NEK10: variants seen among roughly 807,000 people sequenced by gnomAD.
NEK10 encodes the protein serine/threonine-protein kinase Nek10.
In NEK10, 122 loss-of-function variants were observed where a neutral mutation model predicts 159.8. The ratio of observed to expected loss-of-function variants is 0.76; its 90% CI spans 0.66 to 0.89. The LOEUF is 0.89. Ranked by LOEUF, NEK10 falls within the 40% of genes least tolerant of loss-of-function variation. The probability of loss-of-function intolerance (pLI) is 0.00; values close to 1 mark genes in which losing one functional copy is unlikely to be tolerated. For synonymous variants in NEK10, 466 were observed against 457.1 expected, an observed-to-expected ratio of 1.02 and a Z score of -0.25; for missense variants, 1,342 against 1,323.1, an observed-to-expected ratio of 1.01 and a Z score of -0.22.
intron 5 of NEK10, among the ~76,000 whole-genome samples, chr3:27,331,240 AAAAAAAAAAAC>A (rs2046375996): frequency 1.1e-5 from 1 of 90,980 alleles, no homozygotes; most frequent in African/African-American, 2.7e-5. Flanking sequence ...TCTGTCTCAA[AAAAAAAAAAAC>A]AAAAAAAAAA....
At chr3:27,230,972 A>G (rs1357878108) in intron 23 of NEK10, among the ~76,000 whole-genome samples, 4 of 152,042 alleles carry the variant, frequency 2.6e-5, no homozygotes, top group Admixed American at 2.6e-4. Context: ...GAATGTCAAC[A>G]AAGAAATGGT....
At chr3:27,305,332 C>T (rs941980911) in intron 11 of NEK10, among the ~76,000 whole-genome samples, 1 of 152,112 alleles carries the variant, frequency 6.6e-6, no homozygotes. Context: ...ATTATAGGCT[C>T]GTTGCATCAT....
chr3:27,293,184 T>G (rs1038366539), intron 16 of NEK10, among the ~76,000 whole-genome samples: 2 of 149,454 alleles, frequency 1.3e-5, no homozygotes, highest in African/African-American at 4.9e-5. Flanking sequence ...TTGTTTTCCC[T>G]TTGATTAAAT....
intron 6 of NEK10, among the ~76,000 whole-genome samples, chr3:27,320,894 A>G (rs2045575597): frequency 6.6e-6 from 1 of 152,202 alleles, no homozygotes; most frequent in South Asian, 2.1e-4. Flanking sequence ...CCAAATATGG[A>G]AAAGATGGTT....
At chr3:27,258,075 C>T (rs6809225) in intron 22 of NEK10, among the ~76,000 whole-genome samples, 13,142 of 151,886 alleles carry the variant, frequency 0.087, 1,866 homozygotes, top group African/African-American at 0.3. Flanking sequence ...GGATTACAGG[C>T]GTGAGCCTCC....
At chr3:27,317,845 C>G (rs1010354066) in intron 6 of NEK10, among the ~76,000 whole-genome samples, 50 of 151,946 alleles carry the variant, frequency 3.3e-4, no homozygotes, top group African/African-American at 1.2e-3. Context: ...CTCTGTTGCC[C>G]AGGCTGGAGT....
At chr3:27,324,412 T>C (rs6809964) in intron 5 of NEK10, among the ~76,000 whole-genome samples, 4,433 of 152,238 alleles carry the variant, frequency 0.029, 221 homozygotes, top group African/African-American at 0.1. Context: ...ATGTCTGAAA[T>C]TGACTTCATG....
At chr3:27,137,605 T>C (rs1374471165) in intron 31 of NEK10, among the ~76,000 whole-genome samples, 1 of 152,218 alleles carries the variant, frequency 6.6e-6, no homozygotes, top group African/African-American at 2.4e-5. Context: ...TTTGATGTAT[T>C]AGTCAAGCTT....
intron 29 of NEK10, among the ~76,000 whole-genome samples, chr3:27,163,914 A>G (rs946265801): frequency 6.6e-6 from 1 of 152,172 alleles, no homozygotes; most frequent in Non-Finnish European, 1.5e-5. Context: ...ACACCTACCT[A>G]AGTTATTAAG....
At chr3:27,322,340 G>GACGCACTA in intron 5 of NEK10, 79 bp from the exon 6 acceptor site, 1 of 852,438 alleles carries the variant, frequency 1.2e-6, no homozygotes, top group East Asian at 2.7e-5. Context: ...GGCTATGAAG[G>GACGCACTA]AGTATAAAGA....
intron 23 of NEK10, among the ~76,000 whole-genome samples, chr3:27,238,727 T>C (rs575811176): frequency 4.0e-5 from 6 of 150,724 alleles, no homozygotes; most frequent in South Asian, 2.1e-4. Context: ...GTGTTATTTA[T>C]CTAACCAACC....
intron 29 of NEK10, among the ~76,000 whole-genome samples, chr3:27,168,433 A>C (rs1212273746): frequency 1.3e-5 from 2 of 152,200 alleles, no homozygotes; most frequent in African/African-American, 4.8e-5. Context: ...AAAATCCTAA[A>C]CAAATTAGAC....
intron 35 of NEK10, among the ~76,000 whole-genome samples, chr3:27,112,156 T>C (rs745603763): frequency 6.6e-6 from 1 of 152,206 alleles, no homozygotes; most frequent in African/African-American, 2.4e-5. Context: ...TCTTCCTAAC[T>C]GTCCAAGCAG....
Position 27,322,188 on chromosome 3 carries a change from G to A in NEK10, c.436C>T (p.Pro146Ser). 2 of 1,542,230 alleles carry A rather than the reference G, an allele frequency of 1.3e-6. No individual in the cohort carries two copies. The highest frequency in any genetic ancestry group is 1.2e-5 in the South Asian group (1 of 83,206). ...LICLRLLMRD[P>S]CYQEILHSLG... ...TTTTTCCAACCAACCTGATAACATG[G>A]ATCCCTCATTAGTAGCCTCAGACAG... The change falls in exon 6 of 36, where the codon CCA becomes TCA. Residue 146 changes from proline (P) to serine (S), a missense_variant. By Grantham distance (74) the Pro-to-Ser change is moderately conservative (BLOSUM62 -1). Coordinates refer to ENST00000691995, the MANE Select transcript of NEK10 (RefSeq NM_001394966.1).
chr3:27,307,327 C>T (rs2044322062), intron 11 of NEK10, among the ~76,000 whole-genome samples: 1 of 152,098 alleles, frequency 6.6e-6, no homozygotes, highest in African/African-American at 2.4e-5. Context: ...ATATAGATTG[C>T]AACTCTATTT....
chr3:27,341,633 C>T (rs2047209418), intron 5 of NEK10, among the ~76,000 whole-genome samples: 1 of 152,162 alleles, frequency 6.6e-6, no homozygotes, highest in Non-Finnish European at 1.5e-5. Context: ...CCTTATCTGA[C>T]TCTGGATTAA....
chr3:27,287,571 A>T, intron 20 of NEK10, 127 bp downstream of exon 20: 2 of 908,400 alleles, frequency 2.2e-6, no homozygotes, highest in Non-Finnish European at 3.2e-6. Context: ...AAGACCATCT[A>T]CTGTCATATT....
chr3:27,117,137 T>A (rs951642861), intron 33 of NEK10, among the ~76,000 whole-genome samples: 1 of 152,202 alleles, frequency 6.6e-6, no homozygotes, highest in African/African-American at 2.4e-5. Context: ...TCCATCCATG[T>A]CCCTGCAAAG....
chr3:27,285,070 A>G, intron 20 of NEK10, 109 bp from the exon 21 acceptor site: 1 of 767,440 alleles, frequency 1.3e-6, no homozygotes, highest in Non-Finnish European at 2.0e-6. Context: ...GGACACTAAC[A>G]CTAAAGAATT....
Sources: gnomAD v4.1 joint callset for allele counts (sites outside exome capture counted in the v4.1 genomes callset) on GRCh38, gnomAD v4.1.1 for gene constraint, MANE v1.5 for transcripts, NCBI Gene and HGNC (gene_info 2026-07-23, HGNC 2026-07-21) for gene names.